PCLO: variants seen among roughly 807,000 people sequenced by gnomAD.
PCLO encodes piccolo presynaptic cytomatrix protein, also known as protein piccolo.
In PCLO, 82 loss-of-function variants were observed where a neutral mutation model predicts 427.5. The observed-to-expected ratio is 0.19, with a 90% CI of 0.16 to 0.23. The LOEUF (loss-of-function observed/expected upper bound fraction) is 0.23. PCLO is among the 10% of genes least tolerant of loss of function. PCLO has a pLI of 1.00. For synonymous variants in PCLO, 2,357 were observed against 2,155.4 expected, an observed-to-expected ratio of 1.09 and a Z score of -2.59; for missense variants, 6,239 against 6,115.9, an observed-to-expected ratio of 1.02 and a Z score of -0.67.
Position 82,927,156 on chromosome 7 carries a change from G to A in PCLO, c.11113-10283C>T, listed in dbSNP as rs148203529. ...GCTTTAGAAAAAGATGAATTCTTTC[G>A]GATACTCATTTTTGTCAAATGGCAG... On this transcript the variant is annotated intron_variant, in intron 6 of 24. Transcript: ENST00000333891. 1.0e-3 allele frequency among the ~76,000 whole-genome samples: 152 copies of A among 152,116 alleles called. 1 individual carries two copies. The East Asian group carries it at 0.016, about 16-fold the overall frequency.
At chr7:82,852,006 G>A (rs1453299009) in intron 10 of PCLO, among the ~76,000 whole-genome samples, 3 of 151,582 alleles carry the variant, frequency 2.0e-5, no homozygotes, top group Non-Finnish European at 4.4e-5. Flanking sequence ...TAACATAAAA[G>A]GGGGAAAGGT....
intron 2 of PCLO, among the ~76,000 whole-genome samples, chr7:83,153,697 C>G (rs1285201214): frequency 2.6e-5 from 4 of 152,042 alleles, no homozygotes; most frequent in African/African-American, 9.7e-5. Context: ...AAAATGAATC[C>G]CTCATATTCT....
At chr7:83,140,938 AT>A (rs1791844935) in intron 2 of PCLO, among the ~76,000 whole-genome samples, 1 of 152,158 alleles carries the variant, frequency 6.6e-6, no homozygotes. Context: ...ATTCTGCATG[AT>A]TGGGTTTTCA....
chr7:82,944,569 C>T (rs1360299424), intron 6 of PCLO, among the ~76,000 whole-genome samples: 1 of 152,076 alleles, frequency 6.6e-6, no homozygotes, highest in Non-Finnish European at 1.5e-5. Flanking sequence ...GTCAAGAAGA[C>T]CTCATGACTC....
At chr7:82,935,560 A>T (rs568007615) in intron 6 of PCLO, among the ~76,000 whole-genome samples, 9 of 151,714 alleles carry the variant, frequency 5.9e-5, no homozygotes, top group East Asian at 1.9e-4. Context: ...GTTTAATATT[A>T]AAAAAATCTA....
At chr7:82,926,530 A>C (rs2116320881) in intron 6 of PCLO, among the ~76,000 whole-genome samples, 1 of 152,314 alleles carries the variant, frequency 6.6e-6, no homozygotes, top group South Asian at 2.1e-4. Flanking sequence ...AAAGTCTAGT[A>C]ATACATAAAA....
At chr7:82,761,298 T>A in intron 23 of PCLO, 61 bp downstream of exon 23, 1 of 933,558 alleles carries the variant, frequency 1.1e-6, no homozygotes, top group Non-Finnish European at 1.6e-6. Flanking sequence ...TTTTCCAGAA[T>A]ATGTAAGACA....
At chr7:82,854,792 G>A (rs948049905) in intron 10 of PCLO, among the ~76,000 whole-genome samples, 1 of 152,144 alleles carries the variant, frequency 6.6e-6, no homozygotes, top group African/African-American at 2.4e-5. Context: ...GATTTGGGAT[G>A]TGATCTTGGA....
Position 82,761,596 on chromosome 7 carries a change from A to T in PCLO, c.15008-103T>A, listed in dbSNP as rs1790434414. 3 of 794,110 alleles carry T rather than the reference A, an allele frequency of 3.8e-6. No individual in the cohort carries two copies. The South Asian group carries it at 5.1e-5, about 13-fold the overall frequency. The allele number at this position is 794,110 out of a possible 1,614,324, so 49.2% of individuals were successfully genotyped here. A position where few individuals can be genotyped will look rare whatever the true frequency, so the allele number is the denominator to read the frequency against. On this transcript the variant is annotated intron_variant, in intron 22 of 24. Coordinates refer to ENST00000333891, the MANE Select transcript of PCLO (RefSeq NM_033026.6). ...ATTCATTTACTCTTTATCAAGTGCTAAGTATCTTATGACATCCTAAGTGCT... is the reference window on the plus strand; with the variant it reads ...ATTCATTTACTCTTTATCAAGTGCTTAGTATCTTATGACATCCTAAGTGCT...
intron 8 of PCLO, among the ~76,000 whole-genome samples, chr7:82,907,037 A>G (rs1794209227): frequency 6.6e-6 from 1 of 151,918 alleles, no homozygotes; most frequent in African/African-American, 2.4e-5. Context: ...CCAAAACCAT[A>G]AATCTGTATA....
intron 4 of PCLO, among the ~76,000 whole-genome samples, chr7:82,965,098 G>T (rs1795734073): frequency 6.6e-6 from 1 of 152,016 alleles, no homozygotes; most frequent in Non-Finnish European, 1.5e-5. Context: ...TGGGTTAAAT[G>T]AAAATTTTCC....
chr7:83,041,891 A>G (rs1433079960), intron 3 of PCLO, among the ~76,000 whole-genome samples: 1 of 152,166 alleles, frequency 6.6e-6, no homozygotes, highest in Non-Finnish European at 1.5e-5. Flanking sequence ...TAATATTAAT[A>G]TACGAGCATC....
At chr7:83,010,247 T>A (rs1788046105) in intron 3 of PCLO, among the ~76,000 whole-genome samples, 1 of 151,988 alleles carries the variant, frequency 6.6e-6, no homozygotes, top group African/African-American at 2.4e-5. Flanking sequence ...TGGCTCGAAA[T>A]TCACATTTAC....
At chr7:83,116,940 T>A (rs1262413626) in intron 3 of PCLO, among the ~76,000 whole-genome samples, 1 of 152,212 alleles carries the variant, frequency 6.6e-6, no homozygotes, top group African/African-American at 2.4e-5. Context: ...AATCAACCTG[T>A]ATCTATCAAT....
At chr7:82,834,965 T>C (rs895774514) in intron 16 of PCLO, among the ~76,000 whole-genome samples, 2 of 151,668 alleles carry the variant, frequency 1.3e-5, no homozygotes, top group African/African-American at 4.8e-5. Flanking sequence ...TGTTTGTTTG[T>C]TTGTTTGTTT....
intron 9 of PCLO, among the ~76,000 whole-genome samples, chr7:82,900,475 T>C (rs868782535): frequency 1.3e-5 from 2 of 151,732 alleles, no homozygotes; most frequent in Admixed American, 6.6e-5. Context: ...TGACCAAAAA[T>C]ATAGGTAATT....
At chr7:83,037,744 G>T (rs981934508) in intron 3 of PCLO, among the ~76,000 whole-genome samples, 3 of 150,472 alleles carry the variant, frequency 2.0e-5, no homozygotes, top group South Asian at 2.1e-4. Flanking sequence ...ACTCAAAATT[G>T]AGTGGCAATT....
intron 6 of PCLO, among the ~76,000 whole-genome samples, chr7:82,926,208 T>A (rs184694787): frequency 6.6e-6 from 1 of 152,286 alleles, no homozygotes; most frequent in Non-Finnish European, 1.5e-5. Flanking sequence ...ATTAGAGTAT[T>A]GTGAAATAGT....
chr7:83,112,087 C>T (rs767364512), intron 3 of PCLO, among the ~76,000 whole-genome samples: 8 of 152,130 alleles, frequency 5.3e-5, no homozygotes, highest in Non-Finnish European at 8.8e-5. Context: ...GACAGAGTCT[C>T]GCTCTTATCA....
Sources: gnomAD v4.1 joint callset for allele counts (sites outside exome capture counted in the v4.1 genomes callset) on GRCh38, gnomAD v4.1.1 for gene constraint, MANE v1.5 for transcripts, NCBI Gene and HGNC (gene_info 2026-07-23, HGNC 2026-07-21) for gene names.